SLC24A2: variants seen among roughly 807,000 people sequenced by gnomAD.
SLC24A2 encodes the protein solute carrier family 24 member 2.
SLC24A2 carries 36 observed loss-of-function variants against 62.0 expected under a neutral mutation model. The ratio of observed to expected loss-of-function variants is 0.58; its 90% CI spans 0.44 to 0.77. The LOEUF (loss-of-function observed/expected upper bound fraction) is 0.77, where lower values mean the gene tolerates loss of function less well. SLC24A2 is among the 30% of genes least tolerant of loss of function. SLC24A2 has a pLI of 0.00. For missense variants in SLC24A2, 846 were observed against 817.9 expected (o/e 1.03, Z -0.42); for synonymous variants, 358 against 294.0 (o/e 1.22, Z -2.23).
chr9:19,960,314 T>C, the SLC24A2 span, among the ~76,000 whole-genome samples: 1 of 152,238 alleles, frequency 6.6e-6, no homozygotes, highest in African/African-American at 2.4e-5. Context: ...TCCATTTACT[T>C]TTCTTTCCTT....
rs1836781527 is a variant in SLC24A2 at position 19,599,186 on chromosome 9, T to C, written c.1079-1907A>G. Among the ~76,000 whole-genome samples the C allele has an allele frequency of 6.6e-6, 1 of 152,204 alleles. No homozygotes were observed. Among genetic ancestry groups the C allele is most frequent in the South Asian group, 2.1e-4 (1 of 4,834 alleles). ...TCTTGCAGAATCAGGTATAAATAAATACATTCATATTGTTTAATTATCATT... is the reference window on the plus strand; with the variant it reads ...TCTTGCAGAATCAGGTATAAATAAACACATTCATATTGTTTAATTATCATT... On this transcript the variant is annotated intron_variant, in intron 4 of 10. Transcript: ENST00000341998. This position sits in a 1 kb window ranked among gnomAD's most constrained non-coding sequence, Gnocchi z 4.5.
At chr9:19,649,198 A>G (rs1177727075) in intron 2 of SLC24A2, among the ~76,000 whole-genome samples, 2 of 152,122 alleles carry the variant, frequency 1.3e-5, no homozygotes. Context: ...ATAGCTAAAT[A>G]GCTTTGATAA....
intron 2 of SLC24A2, among the ~76,000 whole-genome samples, chr9:19,642,523 C>T (rs1029757478): frequency 2.0e-5 from 3 of 152,088 alleles, no homozygotes; most frequent in African/African-American, 4.8e-5. Context: ...ACTGTACACT[C>T]CTCTGAGAAC....
the SLC24A2 span, among the ~76,000 whole-genome samples, chr9:20,115,051 T>C: frequency 6.6e-6 from 1 of 152,162 alleles, no homozygotes; most frequent in Non-Finnish European, 1.5e-5. Context: ...TGGGAAATTT[T>C]AGAGGAAGAA....
At chr9:19,567,065 A>C (rs1835681194) in intron 7 of SLC24A2, among the ~76,000 whole-genome samples, 1 of 152,062 alleles carries the variant, frequency 6.6e-6, no homozygotes, top group Non-Finnish European at 1.5e-5. Flanking sequence ...ATATGTAATA[A>C]ACCTGCACGT....
the SLC24A2 span, among the ~76,000 whole-genome samples, chr9:20,190,127 T>C: frequency 2.6e-5 from 4 of 152,330 alleles, no homozygotes; most frequent in East Asian, 7.7e-4. Flanking sequence ...CAACACTCCC[T>C]GCATGAAGCC....
chr9:20,032,695 T>A, the SLC24A2 span, among the ~76,000 whole-genome samples: 1 of 152,302 alleles, frequency 6.6e-6, no homozygotes, highest in African/African-American at 2.4e-5. Context: ...AGATGAACAA[T>A]TCTGCATTAT....
chr9:19,776,886 G>A (rs907757530), intron 2 of SLC24A2, among the ~76,000 whole-genome samples: 1 of 152,162 alleles, frequency 6.6e-6, no homozygotes, highest in African/African-American at 2.4e-5. Flanking sequence ...GTCACTGAGG[G>A]TGAATCTCCC....
the SLC24A2 span, among the ~76,000 whole-genome samples, chr9:20,150,616 A>G: frequency 7.3e-6 from 1 of 137,066 alleles, no homozygotes; most frequent in Non-Finnish European, 1.5e-5. Flanking sequence ...GCCTAAAAAT[A>G]TAGTCAAGAA....
intron 2 of SLC24A2, among the ~76,000 whole-genome samples, chr9:19,723,006 G>A (rs1187886295): frequency 6.6e-6 from 1 of 152,062 alleles, no homozygotes; most frequent in African/African-American, 2.4e-5. Context: ...CAATAAGATT[G>A]TTCAATTTTT....
At chr9:20,127,673 T>C in the SLC24A2 span, among the ~76,000 whole-genome samples, 1 of 152,142 alleles carries the variant, frequency 6.6e-6, no homozygotes, top group Admixed American at 6.6e-5. Flanking sequence ...GTTAGGGTTC[T>C]AACTTAAGAT....
the SLC24A2 span, among the ~76,000 whole-genome samples, chr9:20,240,938 C>A: frequency 9.2e-5 from 14 of 152,308 alleles, no homozygotes; most frequent in African/African-American, 3.4e-4. Context: ...CTCTACCACA[C>A]GCAGATGAAT....
At chr9:20,084,946 C>T in the SLC24A2 span, among the ~76,000 whole-genome samples, 1 of 152,136 alleles carries the variant, frequency 6.6e-6, no homozygotes, top group Non-Finnish European at 1.5e-5. Context: ...TCTGTTATTA[C>T]ATCTGTAGTT....
Position 19,514,831 on chromosome 9 carries a change from C to A in SLC24A2, c.*1322G>T, listed in dbSNP as rs552503797. ...CACTCAGAAACCTTCCTGGGGTGCACTGAGTGTGCAAATGCCTTTCCAAGC... is the reference window on the plus strand; with the variant it reads ...CACTCAGAAACCTTCCTGGGGTGCAATGAGTGTGCAAATGCCTTTCCAAGC... On this transcript the variant is annotated 3_prime_UTR_variant, in exon 11 of 11. Coordinates refer to ENST00000341998, the MANE Select transcript of SLC24A2 (RefSeq NM_020344.4). 2.0e-5 allele frequency: 3 copies of A among 152,200 alleles called. No individual in the cohort carries two copies. The highest frequency in any genetic ancestry group is 2.4e-5 in the African/African-American group (1 of 41,444). The allele number at this position is 152,200 out of a possible 1,614,324, so 9.4% of individuals were successfully genotyped here.
At chr9:19,712,106 C>A (rs944954771) in intron 2 of SLC24A2, among the ~76,000 whole-genome samples, 19 of 152,096 alleles carry the variant, frequency 1.2e-4, no homozygotes, top group Admixed American at 1.0e-3. Flanking sequence ...CACAAAAAGT[C>A]TGGGGAAGGT....
At chr9:19,954,683 G>A in the SLC24A2 span, among the ~76,000 whole-genome samples, 1 of 151,858 alleles carries the variant, frequency 6.6e-6, no homozygotes, top group Admixed American at 6.6e-5. Context: ...CCTTCTCTAG[G>A]GAAAATAGCA....
the SLC24A2 span, among the ~76,000 whole-genome samples, chr9:20,084,699 G>A: frequency 2.5e-3 from 377 of 152,088 alleles, 2 homozygotes; most frequent in African/African-American, 8.2e-3. Flanking sequence ...TCTGACCCCA[G>A]GCTCATTATT....
chr9:19,723,705 A>G lies in SLC24A2; in HGVS notation c.930+62232T>C, dbSNP rs76926774. 4.3e-3 allele frequency among the ~76,000 whole-genome samples: 655 copies of G among 152,234 alleles called. 5 individuals carry two copies. The highest frequency in any genetic ancestry group is 0.015 in the African/African-American group (616 of 41,548). On this transcript the variant is annotated intron_variant, in intron 2 of 10. Coordinates refer to ENST00000341998, the MANE Select transcript of SLC24A2 (RefSeq NM_020344.4). ...TCTTATTCATAGAATTCTTCTTGAA[A>G]TCTAATTTCAGGAGAATTTCTAGTA...
chr9:19,661,996 G>C (rs766405944), intron 2 of SLC24A2, among the ~76,000 whole-genome samples: 1 of 152,116 alleles, frequency 6.6e-6, no homozygotes, highest in Admixed American at 6.6e-5. Flanking sequence ...ATGTGCACCT[G>C]AGCCTTACTC....
Sources: allele counts gnomAD v4.1 joint callset (sites outside exome capture counted in the v4.1 genomes callset), GRCh38; gene constraint gnomAD v4.1.1; non-coding constraint Gnocchi (gnomAD v3.1); transcripts MANE v1.5; gene names NCBI Gene and HGNC (gene_info 2026-07-23, HGNC 2026-07-21).